Variants in STK39 observed in about 807,000 individuals in gnomAD.
The protein encoded by STK39 is STE20/SPS1-related proline-alanine-rich protein kinase.
In STK39, 20 loss-of-function variants were observed where a neutral mutation model predicts 77.8. The observed-to-expected ratio is 0.26, with a 90% CI of 0.18 to 0.37. The LOEUF is 0.37. Ranked by LOEUF, STK39 falls within the 10% of genes least tolerant of loss-of-function variation. STK39 has a pLI of 1.00. For missense variants in STK39, 479 were observed against 656.5 expected, an observed-to-expected ratio of 0.73 and a Z score of 2.95; for synonymous variants, 246 against 234.1, an observed-to-expected ratio of 1.05 and a Z score of -0.47.
chr2:168,128,413 CA>C (rs1398109021), intron 10 of STK39, among the ~76,000 whole-genome samples: 1 of 152,142 alleles, frequency 6.6e-6, no homozygotes, highest in African/African-American at 2.4e-5. Flanking sequence ...GCTTCCCCTT[CA>C]GATATTCCAC....
At chr2:168,194,411 C>A (rs942858591) in intron 1 of STK39, among the ~76,000 whole-genome samples, 2 of 152,078 alleles carry the variant, frequency 1.3e-5, no homozygotes, top group African/African-American at 4.8e-5. Flanking sequence ...CAGAGCGAGA[C>A]TCTGTCTCAA....
intron 16 of STK39, among the ~76,000 whole-genome samples, chr2:167,967,911 A>G (rs1692204455): frequency 6.6e-6 from 1 of 152,156 alleles, no homozygotes; most frequent in African/African-American, 2.4e-5. Context: ...AGTACTCAGC[A>G]TAGTACTCAA....
intron 1 of STK39, among the ~76,000 whole-genome samples, chr2:168,189,550 T>G (rs1196328978): frequency 1.3e-5 from 2 of 152,158 alleles, no homozygotes; most frequent in Non-Finnish European, 2.9e-5. Flanking sequence ...AAATTATTAT[T>G]AGGGAGTCTA....
intron 1 of STK39, among the ~76,000 whole-genome samples, chr2:168,213,130 A>C (rs560200967): frequency 5.9e-5 from 9 of 152,368 alleles, no homozygotes; most frequent in African/African-American, 2.2e-4. Context: ...AGAAGAGATA[A>C]GGAAACCCAT....
chr2:168,247,579 C>G lies in STK39; in HGVS notation c.-144G>C, dbSNP rs1690974444. ...CCGCCGCCGTCCCCGCCGAAGCCAG[C>G]TAGGAGGGGAGGGAGCAAGGGAGGC... On this transcript the variant is annotated 5_prime_UTR_variant, in exon 1 of 18. Coordinates refer to ENST00000355999, the MANE Select transcript of STK39 (RefSeq NM_013233.3). 8.2e-6 allele frequency: 5 copies of G among 608,804 alleles called. No homozygotes were observed. Among genetic ancestry groups the G allele is most frequent in the Non-Finnish European group, 1.1e-5 (5 of 459,996 alleles). 37.7% of individuals were successfully genotyped at this position (608,804 alleles called of 1,614,324 possible).
chr2:168,051,299 C>T (rs1225043269), intron 14 of STK39, among the ~76,000 whole-genome samples: 9 of 152,060 alleles, frequency 5.9e-5, no homozygotes, highest in East Asian at 5.8e-4. Flanking sequence ...CTCTGCACAG[C>T]GACAGGAAGG....
chr2:168,075,316 C>T, intron 10 of STK39, 85 bp from the exon 11 acceptor site: 5 of 1,560,578 alleles, frequency 3.2e-6, no homozygotes, highest in South Asian at 1.1e-5. Context: ...ATACGGCATA[C>T]ACACCAACCT....
At chr2:168,239,625 T>C (rs1302851838) in intron 1 of STK39, among the ~76,000 whole-genome samples, 2 of 152,228 alleles carry the variant, frequency 1.3e-5, no homozygotes, top group Admixed American at 6.5e-5. Flanking sequence ...TTTTTAGACG[T>C]CAGGCAATGT....
At chr2:168,206,302 CTTT>C (rs869096206) in intron 1 of STK39, among the ~76,000 whole-genome samples, 9 of 141,680 alleles carry the variant, frequency 6.4e-5, no homozygotes, top group Admixed American at 1.4e-4. Flanking sequence ...TCTTTTCTTT[CTTT>C]TTTTTTTTTT....
intron 14 of STK39, among the ~76,000 whole-genome samples, chr2:168,062,646 A>C (rs998344751): frequency 1.3e-5 from 2 of 152,214 alleles, no homozygotes; most frequent in African/African-American, 4.8e-5. Flanking sequence ...TTTTGTAGCT[A>C]CAACTCTGAA....
Position 168,224,895 on chromosome 2 carries a change from C to T in STK39, c.208+22333G>A, listed in dbSNP as rs1690266362. 2.0e-5 allele frequency among the ~76,000 whole-genome samples: 3 copies of T among 152,196 alleles called. No homozygotes were observed. The South Asian group carries it at 6.2e-4, about 32-fold the overall frequency. The stretch of plus-strand genomic sequence containing the variant: ...GCCTTTTGGTAAACAGGAGCTTAAA[C>T]ACTGTCTCTCAAATCAGATTACATT... On this transcript the variant is annotated intron_variant, in intron 1 of 17. Coordinates refer to ENST00000355999, the MANE Select transcript of STK39 (RefSeq NM_013233.3).
Position 168,091,937 on chromosome 2 carries a change from C to T in STK39, c.1090-16706G>A, listed in dbSNP as rs1327831434. ...ATATCATTTTCCCAAAGAACAAAAT[C>T]ACCAATAATTCCTTAGAATCTAATA... On this transcript the variant is annotated intron_variant, in intron 10 of 17. Coordinates refer to ENST00000355999, the MANE Select transcript of STK39 (RefSeq NM_013233.3). Among the ~76,000 whole-genome samples, 5 of 152,136 alleles carry T rather than the reference C, an allele frequency of 3.3e-5. 1 individual carries two copies.
At chr2:168,017,410 G>A (rs57103025) in intron 14 of STK39, among the ~76,000 whole-genome samples, 36,243 of 120,216 alleles carry the variant, frequency 0.3, 5,055 homozygotes, top group Admixed American at 0.36. Flanking sequence ...TTGAGACAGA[G>A]TTTCGCTCTT....
intron 1 of STK39, among the ~76,000 whole-genome samples, chr2:168,197,589 A>T (rs1689503688): frequency 6.6e-6 from 1 of 152,224 alleles, no homozygotes; most frequent in African/African-American, 2.4e-5. Context: ...CATATCTTAC[A>T]AATGGGTATT....
At chr2:168,208,868 GC>G (rs1285764936) in intron 1 of STK39, among the ~76,000 whole-genome samples, 1 of 152,222 alleles carries the variant, frequency 6.6e-6, no homozygotes, top group African/African-American at 2.4e-5. Flanking sequence ...CTGAGTTGCT[GC>G]AGGAAGGACA....
At chr2:168,014,127 C>T (rs1413173173) in intron 15 of STK39, among the ~76,000 whole-genome samples, 2 of 152,154 alleles carry the variant, frequency 1.3e-5, no homozygotes. Flanking sequence ...AGGAATCTTA[C>T]TAAACTATAA....
chr2:168,157,743 C>T (rs1688471625), intron 5 of STK39, among the ~76,000 whole-genome samples: 1 of 152,150 alleles, frequency 6.6e-6, no homozygotes, highest in African/African-American at 2.4e-5. Flanking sequence ...TAGGGTTCAA[C>T]ATATGAATTT....
Position 168,062,816 on chromosome 2 carries a change from G to A in STK39, c.1376+684C>T, listed in dbSNP as rs370416867. ...ATCTTCAAAGATGTGACAGTATTCT[G>A]ATAGAACTGGTAAACTAAGCTGTTT... On this transcript the variant is annotated intron_variant, in intron 14 of 17. Coordinates refer to ENST00000355999, the MANE Select transcript of STK39 (RefSeq NM_013233.3). 6.2e-4 allele frequency among the ~76,000 whole-genome samples: 95 copies of A among 152,226 alleles called. 1 individual carries two copies. Among genetic ancestry groups the A allele is most frequent in the Middle Eastern group, 3.4e-3 (1 of 294 alleles).
At chr2:168,118,249 T>C (rs1002120855) in intron 10 of STK39, among the ~76,000 whole-genome samples, 2 of 152,076 alleles carry the variant, frequency 1.3e-5, no homozygotes, top group Non-Finnish European at 2.9e-5. Flanking sequence ...TGGGAAAAGT[T>C]AGCAAATTTC....
Sources: gnomAD v4.1 joint callset for allele counts (sites outside exome capture counted in the v4.1 genomes callset) on GRCh38, gnomAD v4.1.1 for gene constraint, MANE v1.5 for transcripts, NCBI Gene and HGNC (gene_info 2026-07-23, HGNC 2026-07-21) for gene names.